Variants in SCRIB observed in about 807,000 individuals in gnomAD.
SCRIB encodes the protein protein scribble homolog.
SCRIB carries 72 observed loss-of-function variants against 170.0 expected under a neutral mutation model. The ratio of observed to expected loss-of-function variants is 0.42; its 90% CI spans 0.35 to 0.52. The LOEUF is 0.52. Ranked by LOEUF, SCRIB falls within the 20% of genes least tolerant of loss-of-function variation. The pLI, the probability that SCRIB is intolerant of heterozygous loss-of-function variation, is 0.02. For missense variants in SCRIB, 2,475 were observed against 2,338.5 expected (o/e 1.06, Z -1.20); for synonymous variants, 1,298 against 1,044.3 (o/e 1.24, Z -4.68).
At chr8:143,808,466 G>T in intron 15 of SCRIB, 143 bp downstream of exon 15, 1 of 992,060 alleles carries the variant, frequency 1.0e-6, no homozygotes, top group Non-Finnish European at 1.4e-6. Flanking sequence ...CCGTGATGCC[G>T]ACTGTGGAGC....
rs1245574727 is a variant in SCRIB, at chr8:143,811,229, G to A, written c.1023C>T (p.Ser341=). ...IGGCVALSVL[S]LRDNRLAVLP... ...GGACGGCCAGGCGGTTGTCCCTCAAGGAGAGGACGCTGAGTGCCACACAGC... is the reference window on the plus strand; with the variant it reads ...GGACGGCCAGGCGGTTGTCCCTCAAAGAGAGGACGCTGAGTGCCACACAGC... Residue 341 remains serine, a synonymous_variant, in exon 10 of 37, where the codon TCC becomes TCT. Transcript: ENST00000356994. The A allele has an allele frequency of 6.2e-7, 1 of 1,611,350 alleles. No homozygotes were observed. Among genetic ancestry groups the A allele is most frequent in the Non-Finnish European group, 8.5e-7 (1 of 1,179,396 alleles).
chr8:143,806,982 C>A lies in SCRIB; in HGVS notation c.2210G>T (p.Gly737Val). The change falls in exon 17 of 37, where the codon GGC (glycine) becomes GTC (valine). Residue 737 changes from glycine to valine, a missense_variant. By Grantham distance (109) the Gly-to-Val change is moderately radical. Transcript: ENST00000356994. ...LTLTILRQTG[G>V]LGISIAGGKG... ...GCCGCCCGCAATGCTGATGCCCAGGCCCCCAGTCTGCCGCAGGATAGTGAG... is the reference window on the plus strand; with the variant it reads ...GCCGCCCGCAATGCTGATGCCCAGGACCCCAGTCTGCCGCAGGATAGTGAG... The A allele has an allele frequency of 6.2e-7, 1 of 1,612,986 alleles. No homozygotes were observed. Among genetic ancestry groups the A allele is most frequent in the Non-Finnish European group, 8.5e-7 (1 of 1,179,442 alleles).
Position 143,791,729 on chromosome 8 carries a change from T to G in SCRIB, c.4707A>C (p.Gly1569=). The change falls in exon 35 of 37, where the codon GGA becomes GGC. Residue 1569 remains glycine (G), a synonymous_variant. Coordinates refer to ENST00000356994, the MANE Select transcript of SCRIB (RefSeq NM_182706.5). ...STSPGRLPLS[G]KKFDYRAFAA... Reference sequence around the variant, plus strand: ...CAAAGGCCCTGTAGTCAAACTTCTTTCCAGACAAGGGCTTGAAAGGACAGC... The same window carrying G: ...CAAAGGCCCTGTAGTCAAACTTCTTGCCAGACAAGGGCTTGAAAGGACAGC... The G allele has an allele frequency of 6.3e-7, 1 of 1,594,804 alleles. No homozygotes were observed. The highest frequency in any genetic ancestry group is 8.6e-7 in the Non-Finnish European group (1 of 1,167,808).
intron 13 of SCRIB, 22 bp downstream of exon 13, chr8:143,810,457 G>A: frequency 6.2e-7 from 1 of 1,601,310 alleles, no homozygotes; most frequent in Non-Finnish European, 8.5e-7. Flanking sequence ...GGCCCGCCAG[G>A]TTGCCGTGGC....
rs1295792449 is a variant in SCRIB, at chr8:143,812,803, C to T, written c.787+14G>A. On this transcript the variant is annotated intron_variant, in intron 8 of 36. Coordinates refer to ENST00000356994, the MANE Select transcript of SCRIB (RefSeq NM_182706.5). Reference sequence around the variant, plus strand: ...CTCCGTGTGCCCCACCCAGGCACCCCCAGGCACACTAACCGATGCCGTCGG... The same window carrying T: ...CTCCGTGTGCCCCACCCAGGCACCCTCAGGCACACTAACCGATGCCGTCGG... 1 of 1,596,180 alleles carries T rather than the reference C, an allele frequency of 6.3e-7. No homozygotes were observed. The highest frequency in any genetic ancestry group is 8.5e-7 in the Non-Finnish European group (1 of 1,177,160).
intron 21 of SCRIB, among the ~76,000 whole-genome samples, 196 bp downstream of exon 21, chr8:143,804,372 G>A (rs1381940232): frequency 6.6e-6 from 1 of 152,270 alleles, no homozygotes; most frequent in Non-Finnish European, 1.5e-5. Context: ...CCAGCCAGGA[G>A]ACTGTGTCAA....
chr8:143,801,658 G>A (rs1298097032), intron 24 of SCRIB, among the ~76,000 whole-genome samples: 2 of 152,268 alleles, frequency 1.3e-5, no homozygotes, highest in Non-Finnish European at 2.9e-5. Flanking sequence ...AGCAAGGGCA[G>A]TGCTGGGGCG....
rs782339593 is a variant in SCRIB at position 143,792,147 on chromosome 8, C to A, written c.4515-14G>T. 1.3e-6 allele frequency: 2 copies of A among 1,560,254 alleles called. No homozygotes were observed. The highest frequency in any genetic ancestry group is 1.8e-5 in the Admixed American group (1 of 55,008). Reference sequence around the variant, plus strand: ...AATGACTTCATCCTGCAGAGAACAGCGGGCAGGGGTGACTTGGGGCAGGAG... The same window carrying A: ...AATGACTTCATCCTGCAGAGAACAGAGGGCAGGGGTGACTTGGGGCAGGAG... On this transcript the variant is annotated splice_polypyrimidine_tract_variant and intron_variant, in intron 32 of 36. Coordinates refer to ENST00000356994, the MANE Select transcript of SCRIB (RefSeq NM_182706.5).
intron 24 of SCRIB, among the ~76,000 whole-genome samples, chr8:143,796,315 ACACAGG>A (rs1814942994): frequency 6.6e-6 from 1 of 152,174 alleles, no homozygotes; most frequent in African/African-American, 2.4e-5. Context: ...AGCACAGTGG[ACACAGG>A]CATTGCTCAC....
At position 143,795,457 on chromosome 8, in the gene SCRIB, G is replaced by C. The variant is rs1554633907; in HGVS notation, c.3677C>G (p.Ser1226Cys). Residue 1226 changes from serine to cysteine, a missense_variant, in exon 25 of 37, where the codon TCC (serine) becomes TGC (cysteine). Physicochemically the swap from Ser to Cys is moderately radical, Grantham distance 112. Transcript: ENST00000356994. ...CTCAGGGCTCAGCTCCCGGTCGATG[G>C]AAGAGATGCTCTCCAGGCTGTTCCG... ...GHRNSLESIS[S>C]IDRELSPEGP... 6.2e-7 allele frequency: 1 copy of C among 1,613,326 alleles called. No homozygotes were observed. Among genetic ancestry groups the C allele is most frequent in the East Asian group, 2.2e-5 (1 of 44,870 alleles).
Position 143,813,089 on chromosome 8 carries a change from C to A in SCRIB, c.583G>T (p.Ala195Ser), listed in dbSNP as rs917820115. ...DLEVLPDTLG[A>S]LPNLRELWLD... is the part of the protein sequence containing the mutation. The stretch of plus-strand genomic sequence containing the variant: ...CACAGCTCCCGAAGATTGGGCAGAG[C>A]CCCCAGAGTGTCTGGCTGCAAGAAG... Residue 195 changes from alanine (A) to serine (S), a missense_variant, in exon 7 of 37, where the codon GCT becomes TCT. Physicochemically the swap from Ala to Ser is moderately conservative, Grantham distance 99. Around this residue, in one of 3 missense-constraint regions of SCRIB, gnomAD observed 487 missense variants for 558.1 expected, o/e 0.87. Coordinates refer to ENST00000356994, the MANE Select transcript of SCRIB (RefSeq NM_182706.5). 3 of 1,579,354 alleles carry A rather than the reference C, an allele frequency of 1.9e-6. No individual in the cohort carries two copies. The highest frequency in any genetic ancestry group is 2.6e-6 in the Non-Finnish European group (3 of 1,161,246).
chr8:143,808,691 T>A lies in SCRIB; in HGVS notation c.2033A>T (p.Glu678Val), dbSNP rs1554637239. Residue 678 changes from glutamate to valine, a missense_variant, in exon 15 of 37, where the codon GAG (glutamate) becomes GTG (valine). Around this residue, in one of 3 missense-constraint regions of SCRIB, gnomAD observed 1,966 missense variants for 1,742.9 expected, o/e 1.13. Coordinates refer to ENST00000356994, the MANE Select transcript of SCRIB (RefSeq NM_182706.5). ...SPQEEEEEEE[E>V]ENRAEEEEAS... ...CTCTTCCTCTTCAGCCCTGTTTTCC[T>A]CCTCCTCCTCTTCCTCCTCCTCCTG... 2 of 1,547,756 alleles carry A rather than the reference T, an allele frequency of 1.3e-6. No individual in the cohort carries two copies.
intron 16 of SCRIB, 119 bp from the exon 17 acceptor site, chr8:143,807,132 G>A (rs1298718153): frequency 4.0e-6 from 3 of 742,154 alleles, no homozygotes; most frequent in South Asian, 1.7e-5. Flanking sequence ...CAGCTGAATG[G>A]GGCCTCATGC....
intron 1 of SCRIB, 38 bp downstream of exon 1, chr8:143,815,176 G>A (rs1279580973): frequency 1.8e-5 from 27 of 1,523,762 alleles, no homozygotes; most frequent in Non-Finnish European, 2.3e-5. Context: ...ACGGGCTGGG[G>A]GCGCGCCTTT....
chr8:143,798,597 A>G (rs1380333205), intron 24 of SCRIB, among the ~76,000 whole-genome samples: 2 of 152,242 alleles, frequency 1.3e-5, no homozygotes, highest in African/African-American at 4.8e-5. Context: ...CACCACACTC[A>G]GTTAATTTTG....
In SCRIB at chr8:143,804,933, C is replaced by G; in HGVS notation, c.2751+1G>C. ...TGGGGCGGGGCCCCATCCCCACTCA[C>G]AGAGAGGACGCGGTCGCCAACCTGC... On this transcript the variant is annotated splice_donor_variant, in intron 20 of 36. Transcript: ENST00000356994. LOFTEE classifies it high-confidence loss of function. The G allele has an allele frequency of 6.4e-7, 1 of 1,553,142 alleles. No individual in the cohort carries two copies. The highest frequency in any genetic ancestry group is 8.7e-7 in the Non-Finnish European group (1 of 1,155,728).
At chr8:143,807,339 C>G (rs555864461) in intron 16 of SCRIB, among the ~76,000 whole-genome samples, 1 of 152,328 alleles carries the variant, frequency 6.6e-6, no homozygotes, top group East Asian at 1.9e-4. Flanking sequence ...CCACAGGCGG[C>G]TGATGGGAGC....
In SCRIB at chr8:143,797,092, G is replaced by A. The variant is rs78510481; in HGVS notation, c.3604-1562C>T. Among the ~76,000 whole-genome samples the A allele has an allele frequency of 2.0e-3, 303 of 152,262 alleles. 5 individuals carry two copies. The East Asian group carries it at 0.052, about 26-fold the overall frequency. Reference sequence around the variant, plus strand: ...GGATCCAGCGCTCCTGAGAGAAAGGGGCAACTCCAGGGCTGGGCAGGGTAT... The same window carrying A: ...GGATCCAGCGCTCCTGAGAGAAAGGAGCAACTCCAGGGCTGGGCAGGGTAT... On this transcript the variant is annotated intron_variant, in intron 24 of 36. Transcript: ENST00000356994.
At chr8:143,813,584 G>A in intron 4 of SCRIB, 53 bp downstream of exon 4, 3 of 1,612,296 alleles carry the variant, frequency 1.9e-6, no homozygotes, top group Non-Finnish European at 2.5e-6. Flanking sequence ...AGCAGGGGCA[G>A]GGCCAATCCT....
Sources: gnomAD v4.1 joint callset for allele counts (sites outside exome capture counted in the v4.1 genomes callset) on GRCh38, gnomAD v4.1.1 for gene constraint, gnomAD v4.1.1 regional missense constraint, MANE v1.5 for transcripts, NCBI Gene and HGNC (gene_info 2026-07-23, HGNC 2026-07-21) for gene names.